Variants in ZFHX4 observed in about 807,000 individuals in gnomAD.
ZFHX4 encodes zinc finger homeobox protein 4.
Under a neutral mutation model 267.6 loss-of-function variants are expected in ZFHX4, and 56 were observed. That is an observed-to-expected ratio of 0.21 (90% CI 0.17 to 0.26). The LOEUF (loss-of-function observed/expected upper bound fraction) is 0.26. ZFHX4 is among the 10% of genes least tolerant of loss of function. The probability of loss-of-function intolerance (pLI) is 1.00; values close to 1 mark genes in which losing one functional copy is unlikely to be tolerated. For synonymous variants in ZFHX4, 1,778 were observed against 1,665.6 expected (o/e 1.07, Z -1.64); for missense variants, 4,332 against 4,420.0 (o/e 0.98, Z 0.56).
In ZFHX4 at chr8:76,705,473, T is replaced by C; in HGVS notation, c.1385T>C (p.Val462Ala). 3 of 1,613,682 alleles carry C rather than the reference T, an allele frequency of 1.9e-6. No homozygotes were observed. Among genetic ancestry groups the C allele is most frequent in the Non-Finnish European group, 2.5e-6 (3 of 1,179,810 alleles). ...TTACACCCAAACGGGGAGTGCCCTG[T>C]CAAAAGTGAACCCACTGAACCGGGA... ...NVLHPNGECPVKSEPTEPGDE... is the reference protein window; with the variant it reads ...NVLHPNGECPAKSEPTEPGDE... Residue 462 changes from valine to alanine, a missense_variant, in exon 2 of 11, where the codon GTC becomes GCC. By Grantham distance (64) the Val-to-Ala change is moderately conservative. Transcript: ENST00000651372.
At position 76,863,989 on chromosome 8, in the gene ZFHX4, C is replaced by T. The variant is rs539137799; in HGVS notation, c.10275C>T (p.Phe3425=). The stretch of plus-strand genomic sequence containing the variant: ...CCGCAGTAAATCATCAAAAGTCCTT[C>T]TGTTATTTCGGTCAGCCTTTGATTG... ...EDAAVNHQKS[F]CYFGQPLIDP... The change falls in exon 11 of 11, where the codon TTC becomes TTT. Residue 3425 remains phenylalanine, a synonymous_variant. Transcript: ENST00000651372. The T allele has an allele frequency of 2.9e-5, 47 of 1,613,594 alleles. No homozygotes were observed. In the East Asian group the frequency reaches 4.9e-4, roughly 17 times the overall value.
intron 4 of ZFHX4, among the ~76,000 whole-genome samples, chr8:76,779,697 C>CT (rs913585067): frequency 6.6e-6 from 1 of 152,094 alleles, no homozygotes; most frequent in South Asian, 2.1e-4. Flanking sequence ...TGAGACATTT[C>CT]TTTTTTTCCC....
chr8:76,711,193 A>G (rs1057378230), intron 3 of ZFHX4, among the ~76,000 whole-genome samples: 6 of 152,108 alleles, frequency 3.9e-5, no homozygotes, highest in African/African-American at 1.4e-4. Context: ...TTTTGGCAGC[A>G]TTATTTTCCA....
chr8:76,739,074 T>C (rs1809248516), intron 3 of ZFHX4, among the ~76,000 whole-genome samples: 1 of 152,040 alleles, frequency 6.6e-6, no homozygotes, highest in Non-Finnish European at 1.5e-5. Flanking sequence ...GCAGGAACCA[T>C]GATTTAGGAA....
chr8:76,769,607 C>T (rs544584426), intron 3 of ZFHX4, among the ~76,000 whole-genome samples: 1 of 152,186 alleles, frequency 6.6e-6, no homozygotes, highest in Admixed American at 6.5e-5. Flanking sequence ...CTGCCTCAGC[C>T]TCCCAAAGTG....
intron 1 of ZFHX4, among the ~76,000 whole-genome samples, chr8:76,684,494 A>T (rs1048151632): frequency 3.3e-5 from 5 of 152,200 alleles, no homozygotes; most frequent in African/African-American, 1.2e-4. Context: ...TTGGATTTTT[A>T]AAAAAGTAAA....
intron 10 of ZFHX4, among the ~76,000 whole-genome samples, chr8:76,858,187 T>A (rs186008910): frequency 6.6e-6 from 1 of 152,222 alleles, no homozygotes; most frequent in African/African-American, 2.4e-5. Flanking sequence ...CCAGAGGGCC[T>A]AGGTGAAAGA....
At chr8:76,857,042 A>G (rs1021981101) in intron 10 of ZFHX4, among the ~76,000 whole-genome samples, 2 of 152,232 alleles carry the variant, frequency 1.3e-5, no homozygotes, top group East Asian at 1.9e-4. Context: ...AGGCATAACA[A>G]ATTTGTAAAG....
Position 76,855,279 on chromosome 8 carries a change from C to G in ZFHX4, c.8358C>G (p.Ala2786=), listed in dbSNP as rs1236976969. ...ECSEDVENLN[A]PPAEAGYDQN... is the part of the protein sequence containing the mutation. ...CTGAGGATGTAGAGAATTTAAATGCCCCTCCTGCTGAGGCTGGGTATGATC... is the reference window on the plus strand; with the variant it reads ...CTGAGGATGTAGAGAATTTAAATGCGCCTCCTGCTGAGGCTGGGTATGATC... The change falls in exon 10 of 11, where the codon GCC becomes GCG. Residue 2786 remains alanine, a synonymous_variant. Coordinates refer to ENST00000651372, the MANE Select transcript of ZFHX4 (RefSeq NM_024721.5). The G allele has an allele frequency of 1.9e-6, 3 of 1,612,182 alleles. No individual in the cohort carries two copies. In the African/African-American group the frequency reaches 4.0e-5, roughly 22 times the overall value.
At position 76,854,231 on chromosome 8, in the gene ZFHX4, A is replaced by T. The variant is rs573871366; in HGVS notation, c.7310A>T (p.Asp2437Val). Reference sequence around the variant, plus strand: ...CTGCCATTAGCATCGACTTCCTCGGACCCACCACAGGCATCCACAGCCCAG... The same window carrying T: ...CTGCCATTAGCATCGACTTCCTCGGTCCCACCACAGGCATCCACAGCCCAG... ...PALPLASTSS[D>V]PPQASTAQPQ... Residue 2437 changes from aspartate (D) to valine (V), a missense_variant, in exon 10 of 11, where the codon GAC becomes GTC. Physicochemically the swap from Asp to Val is radical, Grantham distance 152 (BLOSUM62 -3). This residue lies in a region of ZFHX4 where 1,648 missense variants were observed against 1,625.0 expected (regional missense o/e 1.01). Coordinates refer to ENST00000651372, the MANE Select transcript of ZFHX4 (RefSeq NM_024721.5). 8.3e-6 allele frequency: 13 copies of T among 1,566,640 alleles called. No homozygotes were observed. Among genetic ancestry groups the T allele is most frequent in the Non-Finnish European group, 1.0e-5 (12 of 1,156,036 alleles).
At chr8:76,684,021 G>C (rs1320032058) in intron 1 of ZFHX4, 1 of 151,706 alleles carries the variant, frequency 6.6e-6, no homozygotes, top group African/African-American at 2.4e-5. Context: ...AACTGACAGA[G>C]CAAGCTCAGA....
intron 3 of ZFHX4, among the ~76,000 whole-genome samples, chr8:76,745,235 C>T (rs1432861678): frequency 6.6e-6 from 1 of 152,170 alleles, no homozygotes; most frequent in African/African-American, 2.4e-5. Context: ...ATGACCCTCC[C>T]TCCTTGAAAA....
intron 3 of ZFHX4, among the ~76,000 whole-genome samples, chr8:76,715,886 T>C (rs991959451): frequency 6.6e-6 from 1 of 152,212 alleles, no homozygotes; most frequent in Non-Finnish European, 1.5e-5. Flanking sequence ...AGTACTAGCA[T>C]AAAATATACA....
chr8:76,855,844 G>T lies in ZFHX4; in HGVS notation c.8923G>T (p.Val2975Leu). 6.2e-7 allele frequency: 1 copy of T among 1,613,938 alleles called. No individual in the cohort carries two copies. The highest frequency in any genetic ancestry group is 8.5e-7 in the Non-Finnish European group (1 of 1,179,878). Residue 2975 changes from valine (V) to leucine (L), a missense_variant, in exon 10 of 11, where the codon GTG becomes TTG. Physicochemically the swap from Val to Leu is conservative, Grantham distance 32. Around this residue, in one of 7 missense-constraint regions of ZFHX4, gnomAD observed 1,648 missense variants for 1,625.0 expected, o/e 1.01. Coordinates refer to ENST00000651372, the MANE Select transcript of ZFHX4 (RefSeq NM_024721.5). ...TGGTCTGCCCAAACGCGTAGTCCAG[G>T]TGTGGTTCCAAAATGCAAGGGCAAA... is the stretch of plus-strand genomic sequence containing the variant. ...EIGLPKRVVQ[V>L]WFQNARAKEK...
At chr8:76,756,976 A>G (rs1192411762) in intron 3 of ZFHX4, among the ~76,000 whole-genome samples, 1 of 152,100 alleles carries the variant, frequency 6.6e-6, no homozygotes, top group Non-Finnish European at 1.5e-5. Context: ...AGCTTGGCTT[A>G]TTTTTCCAAT....
intron 3 of ZFHX4, among the ~76,000 whole-genome samples, chr8:76,719,809 G>A (rs1391438318): frequency 6.6e-6 from 1 of 152,064 alleles, no homozygotes; most frequent in Non-Finnish European, 1.5e-5. Flanking sequence ...GATGAAATAA[G>A]ATGGCAATCC....
chr8:76,806,185 T>A (rs1434722842), intron 4 of ZFHX4, among the ~76,000 whole-genome samples: 1 of 152,126 alleles, frequency 6.6e-6, no homozygotes, highest in Non-Finnish European at 1.5e-5. Context: ...ACTGTTAAAT[T>A]ACAACATCCC....
chr8:76,864,626 G>A lies in ZFHX4; in HGVS notation c.*61G>A. ...AAATAAAAAAATAAAAAAAAAATAA[G>A]ACTTTAACTGCAGTTCCAAAGCTTC... On this transcript the variant is annotated 3_prime_UTR_variant, in exon 11 of 11. Transcript: ENST00000651372. 1 of 1,231,624 alleles carries A rather than the reference G, an allele frequency of 8.1e-7. No homozygotes were observed. Among genetic ancestry groups the A allele is most frequent in the Non-Finnish European group, 1.1e-6 (1 of 920,780 alleles). 76.3% of individuals were successfully genotyped at this position (1,231,624 alleles called of 1,614,324 possible). A position where few individuals can be genotyped will look rare whatever the true frequency, so the allele number is the denominator to read the frequency against.
At position 76,851,070 on chromosome 8, in the gene ZFHX4, A is replaced by G. The variant is rs772379990; in HGVS notation, c.4149A>G (p.Lys1383=). The G allele has an allele frequency of 6.2e-7, 1 of 1,613,972 alleles. No homozygotes were observed. The highest frequency in any genetic ancestry group is 1.1e-5 in the South Asian group (1 of 91,084). The change falls in exon 10 of 11, where the codon AAA becomes AAG. Residue 1383 remains lysine (K), a synonymous_variant. Coordinates refer to ENST00000651372, the MANE Select transcript of ZFHX4 (RefSeq NM_024721.5). ...TLQDQLNEQQ[K]RQPLSVSDRH... ...AAGATCAATTAAATGAACAGCAAAA[A>G]AGGCAACCGCTCTCTGTTTCTGACC...
Sources: allele counts gnomAD v4.1 joint callset (sites outside exome capture counted in the v4.1 genomes callset), GRCh38; gene constraint gnomAD v4.1.1; regional missense constraint gnomAD v4.1.1; transcripts MANE v1.5; gene names NCBI Gene and HGNC (gene_info 2026-07-23, HGNC 2026-07-21).